Variants in CALN1 observed in about 807,000 individuals in gnomAD.
CALN1 encodes the protein calcium-binding protein 8.
A neutral mutation model predicts 30.6 loss-of-function variants in CALN1; 17 were observed. The ratio of observed to expected loss-of-function variants is 0.56; its 90% CI spans 0.38 to 0.83. The LOEUF is 0.83. Among genes scored for constraint, CALN1 ranks in the 40% least tolerant of loss-of-function variants. CALN1 has a pLI of 0.00. For missense variants in CALN1, 291 were observed against 354.9 expected, an observed-to-expected ratio of 0.82 and a Z score of 1.45; for synonymous variants, 156 against 131.4, an observed-to-expected ratio of 1.19 and a Z score of -1.28.
intron 3 of CALN1, among the ~76,000 whole-genome samples, chr7:72,196,094 G>C (rs925595596): frequency 6.6e-6 from 1 of 151,986 alleles, no homozygotes; most frequent in African/African-American, 2.4e-5. Flanking sequence ...TGAATGCTAA[G>C]GGGTATTAAG....
chr7:72,428,819 C>T (rs994337901), intron 1 of CALN1, among the ~76,000 whole-genome samples: 3 of 152,034 alleles, frequency 2.0e-5, no homozygotes, highest in Middle Eastern at 3.2e-3. Flanking sequence ...GCCAACATGG[C>T]GAAACCCCAT....
At position 72,347,440 on chromosome 7, in the gene CALN1, A is replaced by G. The variant is rs148077587; in HGVS notation, c.119+55811T>C. Among the ~76,000 whole-genome samples, 1,047 of 151,732 alleles carry G rather than the reference A, an allele frequency of 6.9e-3. 14 individuals are homozygous for G. The highest frequency in any genetic ancestry group is 0.024 in the African/African-American group (1,004 of 41,382). ...TGCCATCATGCCTGGCTAATTTTGT[A>G]TTTTTAGTAGAGACGGGGTTTCTCT... On this transcript the variant is annotated intron_variant, in intron 2 of 6. Coordinates refer to ENST00000395275, the MANE Select transcript of CALN1 (RefSeq NM_031468.4).
At position 71,790,369 on chromosome 7, in the gene CALN1, AAAGAAAGAAAGAAAGAAAG is replaced by A. The variant is rs1793286275; in HGVS notation, c.659-2486_659-2468del. On this transcript the variant is annotated intron_variant, in intron 6 of 6. Transcript: ENST00000395275. ...AAGAAAAGAAAGAAAGAAAGAAAGAAAAGAAAGAAAGAAAGAAAGAAAGAAAGAAAGAAAGAAAGAAAGA... is the reference window on the plus strand; with the variant it reads ...AAGAAAAGAAAGAAAGAAAGAAAGAAAAAGAAAGAAAGAAAGAAAGAAAGA... Among the ~76,000 whole-genome samples, 3 of 20,570 alleles carry A rather than the reference AAAGAAAGAAAGAAAGAAAG, an allele frequency of 1.5e-4. No individual in the cohort carries two copies. In the East Asian group the frequency reaches 3.4e-3, roughly 23 times the overall value. 13.5% of individuals were successfully genotyped at this position (20,570 alleles called of 152,430 possible). A position where few individuals can be genotyped will look rare whatever the true frequency, so the allele number is the denominator to read the frequency against.
At position 72,138,473 on chromosome 7, in the gene CALN1, C is replaced by T. The variant is rs1809659124; in HGVS notation, c.245-32179G>A. 2.0e-5 allele frequency among the ~76,000 whole-genome samples: 3 copies of T among 152,304 alleles called. No individual in the cohort carries two copies. In the South Asian group the frequency reaches 6.2e-4, roughly 32 times the overall value. On this transcript the variant is annotated intron_variant, in intron 3 of 6. Transcript: ENST00000395275. ...AAATCTTGTTTCACAAAATTCAAAG[C>T]TTCTGTTCTTACACCTGATTCCTCG...
At chr7:72,274,144 A>G (rs1034596285) in intron 3 of CALN1, among the ~76,000 whole-genome samples, 3 of 152,204 alleles carry the variant, frequency 2.0e-5, no homozygotes, top group Non-Finnish European at 2.9e-5. Context: ...ATATTTATAT[A>G]CAGTGGAACA....
chr7:71,928,019 T>G (rs1795356052), intron 5 of CALN1, among the ~76,000 whole-genome samples: 1 of 152,158 alleles, frequency 6.6e-6, no homozygotes, highest in Non-Finnish European at 1.5e-5. Context: ...GCTCCCCTTC[T>G]CCAGCATCCT....
chr7:71,937,149 A>C (rs1795880733), intron 5 of CALN1, among the ~76,000 whole-genome samples: 1 of 152,128 alleles, frequency 6.6e-6, no homozygotes, highest in African/African-American at 2.4e-5. Flanking sequence ...CTCTACTAAA[A>C]ATACAAAAGT....
intron 6 of CALN1, 127 bp downstream of exon 6, chr7:71,810,209 G>A: frequency 1.0e-6 from 1 of 954,744 alleles, no homozygotes; most frequent in East Asian, 2.6e-5. Context: ...CCTCAGTCCT[G>A]GATTTTTGGC....
intron 1 of CALN1, among the ~76,000 whole-genome samples, chr7:72,420,907 C>T (rs550030293): frequency 1.3e-5 from 2 of 152,226 alleles, no homozygotes; most frequent in Non-Finnish European, 2.9e-5. Flanking sequence ...AGCCACCACG[C>T]CTGGCCGGGA....
chr7:72,279,177 G>T (rs1797563925), intron 2 of CALN1, among the ~76,000 whole-genome samples: 1 of 152,104 alleles, frequency 6.6e-6, no homozygotes. Flanking sequence ...TGCTTGTAAG[G>T]AAGGACTGAG....
intron 3 of CALN1, among the ~76,000 whole-genome samples, chr7:72,241,255 A>G (rs1251275344): frequency 6.6e-6 from 1 of 152,226 alleles, no homozygotes; most frequent in Non-Finnish European, 1.5e-5. Flanking sequence ...TACACCAGCC[A>G]TGGACTAGGG....
chr7:72,448,973 A>G (rs895388003), upstream of CALN1, among the ~76,000 whole-genome samples: 2 of 152,086 alleles, frequency 1.3e-5, no homozygotes, highest in Non-Finnish European at 1.5e-5. Flanking sequence ...TGGTGCTCAG[A>G]AGCCAGAGAT....
intron 3 of CALN1, among the ~76,000 whole-genome samples, chr7:72,126,002 T>C (rs1187405022): frequency 1.3e-5 from 2 of 152,074 alleles, no homozygotes; most frequent in Non-Finnish European, 2.9e-5. Flanking sequence ...GGTTTCACCA[T>C]GTTGACCAGG....
intron 2 of CALN1, chr7:72,337,236 T>G (rs1199415338): frequency 1.0e-6 from 1 of 984,620 alleles, no homozygotes; most frequent in African/African-American, 1.8e-5. Flanking sequence ...AGCACCACAC[T>G]CCTCGCTCTG....
At chr7:72,304,592 G>C (rs895662051) in intron 2 of CALN1, among the ~76,000 whole-genome samples, 8 of 152,170 alleles carry the variant, frequency 5.3e-5, no homozygotes, top group African/African-American at 1.9e-4. Context: ...TCTGACATGG[G>C]GGGGGTATAG....
chr7:72,366,033 T>C (rs1316323820), intron 2 of CALN1, among the ~76,000 whole-genome samples: 1 of 152,130 alleles, frequency 6.6e-6, no homozygotes, highest in Non-Finnish European at 1.5e-5. Context: ...GACATGTTTA[T>C]AAGGATGTGG....
intron 5 of CALN1, among the ~76,000 whole-genome samples, chr7:71,830,989 T>C (rs1182285054): frequency 2.0e-5 from 3 of 152,190 alleles, no homozygotes; most frequent in Non-Finnish European, 4.4e-5. Context: ...TATTGGCAGC[T>C]GCAGCTGTTC....
chr7:71,997,225 C>A (rs1799296665), intron 5 of CALN1, among the ~76,000 whole-genome samples: 1 of 148,892 alleles, frequency 6.7e-6, no homozygotes, highest in African/African-American at 2.5e-5. Flanking sequence ...AGAGCAAGAT[C>A]CTGTCTCTAA....
chr7:71,863,921 C>T (rs1006759891), intron 5 of CALN1, among the ~76,000 whole-genome samples: 4 of 152,142 alleles, frequency 2.6e-5, no homozygotes, highest in South Asian at 2.1e-4. Context: ...ATGTCTGTAT[C>T]GAATAGGAAT....
Sources: allele counts gnomAD v4.1 joint callset (sites outside exome capture counted in the v4.1 genomes callset), GRCh38; gene constraint gnomAD v4.1.1; transcripts MANE v1.5; gene names NCBI Gene and HGNC (gene_info 2026-07-23, HGNC 2026-07-21).